The following FBXO4 variants were observed in gnomAD, a reference collection of about 807,000 sequenced individuals.
FBXO4 encodes F-box protein 4.
FBXO4 carries 36 observed loss-of-function variants against 43.7 expected under a neutral mutation model. The observed-to-expected ratio is 0.82, with a 90% CI of 0.63 to 1.09. FBXO4 has a LOEUF of 1.09. FBXO4 is among the 50% of genes least tolerant of loss of function. The pLI is 0.00. For synonymous variants in FBXO4, 180 were observed against 165.6 expected (o/e 1.09, Z -0.67); for missense variants, 435 against 474.1 (o/e 0.92, Z 0.77).
the FBXO4 span, among the ~76,000 whole-genome samples, chr5:41,959,240 T>C: frequency 6.6e-6 from 1 of 152,318 alleles, no homozygotes; most frequent in East Asian, 1.9e-4. Flanking sequence ...AGTCAGGTTA[T>C]TTGTTTTCTT....
chr5:41,949,885 G>T, the FBXO4 span, among the ~76,000 whole-genome samples: 8 of 152,082 alleles, frequency 5.3e-5, no homozygotes, highest in Non-Finnish European at 7.4e-5. Context: ...CAATGGAACA[G>T]AACAGAGCCC....
the FBXO4 span, among the ~76,000 whole-genome samples, chr5:41,949,601 G>A: frequency 6.6e-6 from 1 of 152,200 alleles, no homozygotes; most frequent in Non-Finnish European, 1.5e-5. Flanking sequence ...CATGCTCATG[G>A]ATAGGAAGAA....
At chr5:41,992,268 C>T in the FBXO4 span, among the ~76,000 whole-genome samples, 1 of 152,064 alleles carries the variant, frequency 6.6e-6, no homozygotes, top group African/African-American at 2.4e-5. Flanking sequence ...AATCCAAATC[C>T]TACATATGAA....
In FBXO4 at chr5:41,941,693, A is replaced by ATTCT. The variant is rs1408513424; in HGVS notation, c.*412_*413insTTCT. The ATTCT allele has an allele frequency of 6.4e-6, 1 of 157,034 alleles. No homozygotes were observed. Among genetic ancestry groups the ATTCT allele is most frequent in the African/African-American group, 2.4e-5 (1 of 41,502 alleles). 9.7% of individuals were successfully genotyped at this position (157,034 alleles called of 1,614,324 possible). On this transcript the variant is annotated 3_prime_UTR_variant, in exon 7 of 7. Transcript: ENST00000281623. Reference sequence around the variant, plus strand: ...CAAGGGTTCATAAGTGGTTATCAGAAAAGAAATTTTTATCTATTCTTAATA... The same window carrying ATTCT: ...CAAGGGTTCATAAGTGGTTATCAGAATTCTAAGAAATTTTTATCTATTCTTAATA...
the FBXO4 span, among the ~76,000 whole-genome samples, chr5:41,978,155 G>A: frequency 4.3e-4 from 66 of 152,190 alleles, no homozygotes; most frequent in African/African-American, 1.5e-3. Context: ...AGATACAGAT[G>A]GGGAGATGCC....
Position 41,941,285 on chromosome 5 carries a change from T to A in FBXO4, c.*4T>A. 6.2e-7 allele frequency: 1 copy of A among 1,611,090 alleles called. No homozygotes were observed. ...GGAATCTAAGCGTGCAAGATGATTC[T>A]CTTTTCAGATCTTGGGAACTGAAAC... On this transcript the variant is annotated 3_prime_UTR_variant, in exon 7 of 7. Coordinates refer to ENST00000281623, the MANE Select transcript of FBXO4 (RefSeq NM_012176.3).
the FBXO4 span, among the ~76,000 whole-genome samples, chr5:42,019,008 A>G: frequency 0.11 from 16,710 of 152,156 alleles, 1,447 homozygotes; most frequent in African/African-American, 0.24. Flanking sequence ...ATACTGTCCA[A>G]TACTATAGCC....
the FBXO4 span, among the ~76,000 whole-genome samples, chr5:42,002,060 T>C: frequency 6.6e-6 from 1 of 152,192 alleles, no homozygotes; most frequent in Admixed American, 6.5e-5. Context: ...TGTATGTTGA[T>C]TTTGTATCCT....
rs1353527724 is a variant in FBXO4, at chr5:41,933,800, A to G, written c.647-146A>G. The G allele has an allele frequency of 8.1e-6, 5 of 619,376 alleles. No individual in the cohort carries two copies. The East Asian group carries it at 8.4e-5, about 10-fold the overall frequency. The allele number at this position is 619,376 out of a possible 1,614,324, so 38.4% of individuals were successfully genotyped here. A position where few individuals can be genotyped will look rare whatever the true frequency, so the allele number is the denominator to read the frequency against. On this transcript the variant is annotated intron_variant, in intron 3 of 6. Coordinates refer to ENST00000281623, the MANE Select transcript of FBXO4 (RefSeq NM_012176.3). ...AAGTTACATACGGTATCTTTTCTTC[A>G]ACGTATACATTTTATTTCAACTCTA...
chr5:41,966,728 T>G, the FBXO4 span, among the ~76,000 whole-genome samples: 1 of 152,212 alleles, frequency 6.6e-6, no homozygotes, highest in Non-Finnish European at 1.5e-5. Flanking sequence ...TTTTCCCTAA[T>G]TTTTCCTCTG....
chr5:42,034,482 T>A, the FBXO4 span, among the ~76,000 whole-genome samples: 10 of 152,180 alleles, frequency 6.6e-5, no homozygotes, highest in African/African-American at 2.4e-4. Context: ...TCTTCTAGGG[T>A]TTTTATGGTT....
the FBXO4 span, among the ~76,000 whole-genome samples, chr5:42,016,901 CT>C: frequency 6.6e-6 from 1 of 151,934 alleles, no homozygotes; most frequent in Non-Finnish European, 1.5e-5. Flanking sequence ...AAATAAAAGA[CT>C]TTATATTTCA....
At chr5:41,974,703 CA>C in the FBXO4 span, among the ~76,000 whole-genome samples, 1 of 152,020 alleles carries the variant, frequency 6.6e-6, no homozygotes, top group African/African-American at 2.4e-5. Context: ...ACATATTAAT[CA>C]AATTTATTTT....
chr5:41,946,237 C>T (rs1752076146), downstream of FBXO4, among the ~76,000 whole-genome samples: 1 of 152,116 alleles, frequency 6.6e-6, no homozygotes, highest in South Asian at 2.1e-4. Flanking sequence ...AAGAGAGAGC[C>T]CCGTTGCATT....
At chr5:41,949,536 T>A in the FBXO4 span, among the ~76,000 whole-genome samples, 1 of 152,130 alleles carries the variant, frequency 6.6e-6, no homozygotes, top group Admixed American at 6.6e-5. Context: ...CAAGGAGAAC[T>A]ACAAACCACG....
downstream of FBXO4, among the ~76,000 whole-genome samples, chr5:41,942,248 G>C (rs544373115): frequency 2.0e-5 from 3 of 152,136 alleles, no homozygotes; most frequent in East Asian, 5.8e-4. Context: ...AGACCTTCGA[G>C]AAAGACCTAT....
the FBXO4 span, among the ~76,000 whole-genome samples, chr5:41,993,971 A>G: frequency 2.0e-5 from 3 of 152,176 alleles, no homozygotes; most frequent in Admixed American, 1.3e-4. Context: ...TCCTTTGGCA[A>G]CATCCTCACA....
chr5:42,015,367 A>T, the FBXO4 span, among the ~76,000 whole-genome samples: 1 of 152,190 alleles, frequency 6.6e-6, no homozygotes, highest in Non-Finnish European at 1.5e-5. Context: ...TCTACATGGA[A>T]GTTAATTCAG....
chr5:41,973,576 G>A, the FBXO4 span, among the ~76,000 whole-genome samples: 1 of 152,154 alleles, frequency 6.6e-6, no homozygotes, highest in Non-Finnish European at 1.5e-5. Flanking sequence ...AGCTACTCAG[G>A]AGGCTGAGTG....
Sources: allele counts gnomAD v4.1 joint callset (sites outside exome capture counted in the v4.1 genomes callset), GRCh38; gene constraint gnomAD v4.1.1; transcripts MANE v1.5; gene names NCBI Gene and HGNC (gene_info 2026-07-23, HGNC 2026-07-21).